XAB2: variants seen among roughly 807,000 people sequenced by gnomAD.
The protein encoded by XAB2 is XPA binding protein 2, also known as pre-mRNA-splicing factor SYF1.
XAB2 carries 57 observed loss-of-function variants against 113.4 expected under a neutral mutation model. The ratio of observed to expected loss-of-function variants is 0.50; its 90% CI spans 0.41 to 0.63. The LOEUF (loss-of-function observed/expected upper bound fraction) is 0.63, where lower values mean the gene tolerates loss of function less well. Ranked by LOEUF, XAB2 falls within the 20% of genes least tolerant of loss-of-function variation. The probability of loss-of-function intolerance (pLI) is 0.00; values close to 1 mark genes in which losing one functional copy is unlikely to be tolerated. For missense variants in XAB2, 1,037 were observed against 1,233.3 expected (o/e 0.84, Z 2.38); for synonymous variants, 497 against 498.8 (o/e 1.00, Z 0.05).
Position 7,625,942 on chromosome 19 carries a change from G to A in XAB2, c.760C>T (p.Gln254Ter). 1 of 1,613,814 alleles carries A rather than the reference G, an allele frequency of 6.2e-7. No individual in the cohort carries two copies. The highest frequency in any genetic ancestry group is 1.1e-5 in the South Asian group (1 of 91,038). The change falls in exon 6 of 19, where the codon CAG becomes TAG. Residue 254 changes from glutamine (Q) to a stop codon, truncating the protein, a stop_gained. Coordinates refer to ENST00000358368, the MANE Select transcript of XAB2 (RefSeq NM_020196.3). LOFTEE classifies it high-confidence loss of function. This position sits in a 1 kb window ranked among gnomAD's most constrained non-coding sequence, Gnocchi z 5.2. ...IRGGLTRFTDQLGKLWCSLAD... is the reference protein window; with the variant it reads ...IRGGLTRFTD ...AGAGAACACCAGAGCTTGCCCAGCT[G>A]GTCGGTGAAGCGGGTGAGGCCCCCG...
rs1214476514 is a variant in XAB2, at chr19:7,620,436, G to T, written c.2105C>A (p.Ala702Glu). 2 of 1,608,858 alleles carry T rather than the reference G, an allele frequency of 1.2e-6. No homozygotes were observed. The highest frequency in any genetic ancestry group is 1.7e-6 in the Non-Finnish European group (2 of 1,178,360). Residue 702 changes from alanine to glutamate, a missense_variant, in exon 16 of 19, where the codon GCG (alanine) becomes GAG (glutamate). By Grantham distance (107) the Ala-to-Glu change is moderately radical. Coordinates refer to ENST00000358368, the MANE Select transcript of XAB2 (RefSeq NM_020196.3). Reference protein sequence around the residue: ...SQICDPRTTGAFWQTWKDFEV... With the variant: ...SQICDPRTTGEFWQTWKDFEV... Reference sequence around the variant, plus strand: ...AAAGTCCTTCCACGTCTGCCAGAACGCGCCGGTCGTCTGCGTGGGGGGCAG... The same window carrying T: ...AAAGTCCTTCCACGTCTGCCAGAACTCGCCGGTCGTCTGCGTGGGGGGCAG...
Position 7,626,273 on chromosome 19 carries a change from G to A in XAB2, c.523-3C>T, listed in dbSNP as rs747880220. ...TCCTCTGCACTCTCAGGACTCAGCT[G>A]GGGACCGAGCCACCCCTCAGGCAGT... On this transcript the variant is annotated splice_polypyrimidine_tract_variant and splice_region_variant and intron_variant, in intron 4 of 18. Coordinates refer to ENST00000358368, the MANE Select transcript of XAB2 (RefSeq NM_020196.3). 6.2e-7 allele frequency: 1 copy of A among 1,607,870 alleles called. No individual in the cohort carries two copies. Among genetic ancestry groups the A allele is most frequent in the South Asian group, 1.1e-5 (1 of 91,062 alleles).
In XAB2 at chr19:7,620,336, G is replaced by A; in HGVS notation, c.2205C>T (p.Asn735=). Residue 735 remains asparagine, a synonymous_variant, in exon 16 of 19, where the codon AAC becomes AAT. Coordinates refer to ENST00000358368, the MANE Select transcript of XAB2 (RefSeq NM_020196.3). Reference sequence around the variant, plus strand: ...GCGAGGCCATGAAGTTGACCTGCGTGTTGTACGTGGCCTGCACGCTGCGCC... The same window carrying A: ...GCGAGGCCATGAAGTTGACCTGCGTATTGTACGTGGCCTGCACGCTGCGCC... The part of the protein sequence containing the change: ...RIRRSVQATY[N]TQVNFMASQM... 2 of 1,613,702 alleles carry A rather than the reference G, an allele frequency of 1.2e-6. No individual in the cohort carries two copies. The highest frequency in any genetic ancestry group is 1.7e-6 in the Non-Finnish European group (2 of 1,180,020).
chr19:7,623,663 G>A lies in XAB2; in HGVS notation c.1119+68C>T, dbSNP rs563967152. ...CCTAGAAGGTGACATTATGGGTGAA[G>A]GTGGGTGGCTCCCCAGTTCTGCAGG... On this transcript the variant is annotated intron_variant, in intron 8 of 18. Transcript: ENST00000358368. This position sits in a 1 kb window ranked among gnomAD's most constrained non-coding sequence, Gnocchi z 4.6. The A allele has an allele frequency of 4.6e-6, 7 of 1,516,018 alleles. No homozygotes were observed. In the Admixed American group the frequency reaches 8.3e-5, roughly 18 times the overall value. 93.9% of individuals were successfully genotyped at this position (1,516,018 alleles called of 1,614,324 possible).
At chr19:7,621,094 A>AACCCCCCCCCCCCCCCC in intron 13 of XAB2, 41 bp downstream of exon 13, 2 of 1,494,448 alleles carry the variant, frequency 1.3e-6, no homozygotes, top group Non-Finnish European at 1.8e-6. Flanking sequence ...TCAGAAACCC[A>AACCCCCCCCCCCCCCCC]GCCCGCCCGC....
In XAB2 at chr19:7,627,478, G is replaced by T; in HGVS notation, c.325-38C>A. On this transcript the variant is annotated intron_variant, in intron 3 of 18. Transcript: ENST00000358368. The surrounding 1 kb of genome is among the most constrained non-coding windows in gnomAD (Gnocchi z 4.5). ...GGAGAGGCGGCTGGGGCTAAGCCAC[G>T]GACTCCATGGCCTGGCCACAGACAC... is the stretch of plus-strand genomic sequence containing the variant. The T allele has an allele frequency of 6.3e-7, 1 of 1,579,700 alleles. No homozygotes were observed. The highest frequency in any genetic ancestry group is 1.1e-5 in the South Asian group (1 of 88,314).
Position 7,627,251 on chromosome 19 carries a change from A to G in XAB2, c.514T>C (p.Phe172Leu). ...GCACCTGCTAGGCTCACCTTGAGGA[A>G]GCGCCGATAGCCTCGCACAGCTGTC... The part of the protein sequence containing the change: ...PETAVRGYRR[F>L]LKLSPESAEE... The change falls in exon 4 of 19, where the codon TTC becomes CTC. Residue 172 changes from phenylalanine (F) to leucine (L), a missense_variant. By Grantham distance (22) the Phe-to-Leu change is conservative. Coordinates refer to ENST00000358368, the MANE Select transcript of XAB2 (RefSeq NM_020196.3). The surrounding 1 kb of genome is among the most constrained non-coding windows in gnomAD (Gnocchi z 4.5). 1 of 1,612,744 alleles carries G rather than the reference A, an allele frequency of 6.2e-7. No individual in the cohort carries two copies. The highest frequency in any genetic ancestry group is 1.1e-5 in the South Asian group (1 of 91,082).
chr19:7,623,253 C>T lies in XAB2; in HGVS notation c.1156G>A (p.Asp386Asn). Residue 386 changes from aspartate (D) to asparagine (N), a missense_variant, in exon 9 of 19, where the codon GAC (aspartate) becomes AAC (asparagine). By Grantham distance (23) the Asp-to-Asn change is conservative. Transcript: ENST00000358368. The surrounding 1 kb of genome is among the most constrained non-coding windows in gnomAD (Gnocchi z 4.6). Reference protein sequence around the residue: ...NTYTEAVQTVDPFKATGKPHT... With the variant: ...NTYTEAVQTVNPFKATGKPHT... ...GGCTTGCCTGTGGCCTTGAAGGGGT[C>T]CACCGTCTGCACAGCCTCTGTGTAG... 6.2e-7 allele frequency: 1 copy of T among 1,613,764 alleles called. No individual in the cohort carries two copies. The highest frequency in any genetic ancestry group is 1.1e-5 in the South Asian group (1 of 91,086).
chr19:7,623,398 TCGGGAGA>T lies in XAB2; in HGVS notation c.1120-116_1120-110del, dbSNP rs768851595. On this transcript the variant is annotated intron_variant, in intron 8 of 18. Coordinates refer to ENST00000358368, the MANE Select transcript of XAB2 (RefSeq NM_020196.3). The surrounding 1 kb of genome is among the most constrained non-coding windows in gnomAD (Gnocchi z 4.6). The stretch of plus-strand genomic sequence containing the variant: ...GGCCTGGAGGGTGCTGTGGCCCCTG[TCGGGAGA>T]GGCCAGAAACGAACTATGGCCCTTG... 20 of 1,437,536 alleles carry T rather than the reference TCGGGAGA, an allele frequency of 1.4e-5. No individual in the cohort carries two copies. Among genetic ancestry groups the T allele is most frequent in the Non-Finnish European group, 1.9e-5 (20 of 1,056,984 alleles). 89.0% of individuals were successfully genotyped at this position (1,437,536 alleles called of 1,614,324 possible).
Position 7,619,612 on chromosome 19 carries a change from C to A in XAB2, c.2542G>T (p.Val848Leu), listed in dbSNP as rs769984282. 6.2e-7 allele frequency: 1 copy of A among 1,602,426 alleles called. No homozygotes were observed. Among genetic ancestry groups the A allele is most frequent in the Non-Finnish European group, 8.5e-7 (1 of 1,174,310 alleles). The change falls in exon 19 of 19, where the codon GTG becomes TTG. Residue 848 changes from valine to leucine, a missense_variant. Val to Leu is a conservative substitution (Grantham distance 32, BLOSUM62 1). Transcript: ENST00000358368. The part of the protein sequence containing the change: ...RLEQQSVPAA[V>L]FGSLKED ...CAGTCTTCCTTCAGGCTCCCAAACACTGCGGCTGGCACGCTCTGCTGCTCC... is the reference window on the plus strand; with the variant it reads ...CAGTCTTCCTTCAGGCTCCCAAACAATGCGGCTGGCACGCTCTGCTGCTCC...
Position 7,623,955 on chromosome 19 carries a change from C to G in XAB2, c.968-73G>C. 6.9e-7 allele frequency: 1 copy of G among 1,459,044 alleles called. No individual in the cohort carries two copies. Among genetic ancestry groups the G allele is most frequent in the Non-Finnish European group, 9.1e-7 (1 of 1,100,330 alleles). 90.4% of individuals were successfully genotyped at this position (1,459,044 alleles called of 1,614,324 possible). A position where few individuals can be genotyped will look rare whatever the true frequency, so the allele number is the denominator to read the frequency against. Reference sequence around the variant, plus strand: ...GTCCCCGGATGCCACCGCCTCCACTCCCCACCCTCACTCCGCTCCAGCCCC... The same window carrying G: ...GTCCCCGGATGCCACCGCCTCCACTGCCCACCCTCACTCCGCTCCAGCCCC... On this transcript the variant is annotated intron_variant, in intron 7 of 18. Transcript: ENST00000358368. This position sits in a 1 kb window ranked among gnomAD's most constrained non-coding sequence, Gnocchi z 4.6.
At position 7,627,946 on chromosome 19, in the gene XAB2, G is replaced by A; in HGVS notation, c.201-95C>T. On this transcript the variant is annotated intron_variant, in intron 2 of 18. Transcript: ENST00000358368. This position sits in a 1 kb window ranked among gnomAD's most constrained non-coding sequence, Gnocchi z 4.5. ...CCCAGTTGGCAAATGTGGGAAGAAG[G>A]GGTGTGGGAGGGGTGACATGTCTCA... The A allele has an allele frequency of 1.9e-6, 3 of 1,548,882 alleles. No homozygotes were observed. The highest frequency in any genetic ancestry group is 1.9e-4 in the Middle Eastern group (1 of 5,202).
At chr19:7,621,094 A>AAACCCCCCCCCCCCCCCCCCCCTC in intron 13 of XAB2, 41 bp downstream of exon 13, 5 of 1,494,474 alleles carry the variant, frequency 3.3e-6, no homozygotes, top group Non-Finnish European at 2.7e-6. Context: ...TCAGAAACCC[A>AAACCCCCCCCCCCCCCCCCCCCTC]GCCCGCCCGC....
rs74955892 is a variant in XAB2 at position 7,620,227 on chromosome 19, G to A, written c.2266+48C>T. 149 of 1,609,224 alleles carry A rather than the reference G, an allele frequency of 9.3e-5. 1 individual carries two copies. In the East Asian group the frequency reaches 3.0e-3, roughly 32 times the overall value. On this transcript the variant is annotated intron_variant, in intron 16 of 18. Coordinates refer to ENST00000358368, the MANE Select transcript of XAB2 (RefSeq NM_020196.3). ...AGACCCGGAAAGCCCAGGTCAGGCC[G>A]GGCTGAGATGCCCTGGATCAGGAAC...
intron 12 of XAB2, chr19:7,621,514 G>T: frequency 1.7e-6 from 1 of 587,428 alleles, no homozygotes; most frequent in Non-Finnish European, 3.0e-6. Flanking sequence ...AATGGGACCT[G>T]CTAAGCACAG....
rs767548082 is a variant in XAB2, at chr19:7,627,713, C to T, written c.324+15G>A. Reference sequence around the variant, plus strand: ...AGCTCCACTTCCCGATTCATCCCCTCGCCGAGCCCCAAACCTTGTGCATGA... The same window carrying T: ...AGCTCCACTTCCCGATTCATCCCCTTGCCGAGCCCCAAACCTTGTGCATGA... On this transcript the variant is annotated intron_variant, in intron 3 of 18. Transcript: ENST00000358368. This position sits in a 1 kb window ranked among gnomAD's most constrained non-coding sequence, Gnocchi z 4.5. 9 of 1,612,628 alleles carry T rather than the reference C, an allele frequency of 5.6e-6. No homozygotes were observed. Among genetic ancestry groups the T allele is most frequent in the East Asian group, 4.5e-5 (2 of 44,844 alleles).
In XAB2 at chr19:7,621,170, T is replaced by C. The variant is rs769021761; in HGVS notation, c.1745A>G (p.Gln582Arg). ...TTTTGGGGGGCAGCCGTCCAGAGCC[T>C]GTTCAAACAGGTCCCGTGCCCGCTC... ...KLERARDLFE[Q>R]ALDGCPPKYA... The change falls in exon 13 of 19, where the codon CAG becomes CGG. Residue 582 changes from glutamine (Q) to arginine (R), a missense_variant. Physicochemically the swap from Gln to Arg is conservative, Grantham distance 43. Transcript: ENST00000358368. The C allele has an allele frequency of 4.4e-6, 7 of 1,578,838 alleles. No individual in the cohort carries two copies. The highest frequency in any genetic ancestry group is 1.4e-5 in the African/African-American group (1 of 70,970).
In XAB2 at chr19:7,621,117, G is replaced by A; in HGVS notation, c.1780+18C>T. The A allele has an allele frequency of 3.0e-6, 3 of 985,440 alleles. No homozygotes were observed. Among genetic ancestry groups the A allele is most frequent in the African/African-American group, 4.0e-5 (2 of 50,436 alleles). 61.0% of individuals were successfully genotyped at this position (985,440 alleles called of 1,614,324 possible). ...CCAGCCCGCCCGCCACCCCCCCCAT[G>A]CCCTCTGCCCGCCTCACTCTTGGCA... On this transcript the variant is annotated intron_variant, in intron 13 of 18. Coordinates refer to ENST00000358368, the MANE Select transcript of XAB2 (RefSeq NM_020196.3).
chr19:7,628,218 G>A lies in XAB2; in HGVS notation c.132C>T (p.Phe44=), dbSNP rs368176601. The change falls in exon 2 of 19, where the codon TTC becomes TTT. Residue 44 remains phenylalanine (F), a synonymous_variant. Transcript: ENST00000358368. This position sits in a 1 kb window ranked among gnomAD's most constrained non-coding sequence, Gnocchi z 4.6. Reference sequence around the variant, plus strand: ...GCCTGGGCTTCGGGGCGCCCTGTTTGAACTCGATGTAGCGAAGCCAGCATT... The same window carrying A: ...GCCTGGGCTTCGGGGCGCCCTGTTTAAACTCGATGTAGCGAAGCCAGCATT... ...SVKCWLRYIE[F]KQGAPKPRLN... 1.2e-6 allele frequency: 2 copies of A among 1,614,024 alleles called. No individual in the cohort carries two copies. The highest frequency in any genetic ancestry group is 2.7e-5 in the African/African-American group (2 of 74,914).
Sources: gnomAD v4.1 joint callset for allele counts on GRCh38, gnomAD v4.1.1 for gene constraint, Gnocchi (gnomAD v3.1) non-coding constraint, MANE v1.5 for transcripts, NCBI Gene and HGNC (gene_info 2026-07-23, HGNC 2026-07-21) for gene names.